The following HCRTR2 variants were observed in gnomAD, a reference collection of about 807,000 sequenced individuals.
The protein encoded by HCRTR2 is hypocretin receptor 2, also known as orexin receptor type 2.
A neutral mutation model predicts 49.0 loss-of-function variants in HCRTR2; 22 were observed. That is an observed-to-expected ratio of 0.45 (90% CI 0.32 to 0.64). The LOEUF (loss-of-function observed/expected upper bound fraction) is 0.64. HCRTR2 is among the 30% of genes least tolerant of loss of function. The pLI is 0.04. For missense variants in HCRTR2, 491 were observed against 559.4 expected (o/e 0.88, Z 1.23); for synonymous variants, 236 against 205.3 (o/e 1.15, Z -1.28).
intron 1 of HCRTR2, among the ~76,000 whole-genome samples, chr6:55,204,125 G>C (rs1378082160): frequency 6.6e-6 from 1 of 152,000 alleles, no homozygotes; most frequent in Non-Finnish European, 1.5e-5. Flanking sequence ...TCTCATAAGG[G>C]CTGTGAGGGC....
chr6:55,208,110 T>A (rs1765633490), intron 1 of HCRTR2, among the ~76,000 whole-genome samples: 1 of 152,084 alleles, frequency 6.6e-6, no homozygotes, highest in African/African-American at 2.4e-5. Context: ...TTATTCAGTC[T>A]TTTAAACAAG....
intron 1 of HCRTR2, among the ~76,000 whole-genome samples, chr6:55,121,021 G>A (rs1466914022): frequency 6.6e-6 from 1 of 152,044 alleles, no homozygotes; most frequent in Non-Finnish European, 1.5e-5. Flanking sequence ...GAAAGTCATT[G>A]GTAGCTTGAT....
chr6:55,203,758 T>C (rs1259080530), intron 1 of HCRTR2, among the ~76,000 whole-genome samples: 6 of 152,026 alleles, frequency 3.9e-5, no homozygotes, highest in African/African-American at 1.4e-4. Context: ...CTGATGTAGA[T>C]GCATACCTTA....
At chr6:55,252,610 T>C (rs1167419955) in intron 2 of HCRTR2, among the ~76,000 whole-genome samples, 2 of 152,056 alleles carry the variant, frequency 1.3e-5, no homozygotes, top group African/African-American at 2.4e-5. Flanking sequence ...AATAAGGTGA[T>C]ACTGGTTTGA....
intron 1 of HCRTR2, among the ~76,000 whole-genome samples, chr6:55,114,590 C>T (rs1416129863): frequency 1.3e-5 from 2 of 151,798 alleles, no homozygotes; most frequent in African/African-American, 4.8e-5. Flanking sequence ...ATCCACCTAC[C>T]TTGCACAAAA....
chr6:55,284,631 C>T (rs1767252573), downstream of HCRTR2, among the ~76,000 whole-genome samples: 1 of 151,920 alleles, frequency 6.6e-6, no homozygotes, highest in African/African-American at 2.4e-5. Flanking sequence ...AAAGAAGAAG[C>T]TGAGTATCAA....
At chr6:55,162,976 C>A (rs1764826527) in intron 1 of HCRTR2, among the ~76,000 whole-genome samples, 1 of 152,086 alleles carries the variant, frequency 6.6e-6, no homozygotes, top group Non-Finnish European at 1.5e-5. Context: ...TGGCCAGGCT[C>A]AGTGGCTCAC....
At chr6:55,160,224 A>T (rs1220366506) in intron 1 of HCRTR2, among the ~76,000 whole-genome samples, 1 of 152,240 alleles carries the variant, frequency 6.6e-6, no homozygotes, top group East Asian at 1.9e-4. Flanking sequence ...ACAATTTCAT[A>T]TCCAGCCAAA....
chr6:55,209,146 A>T (rs1765654700), intron 1 of HCRTR2, among the ~76,000 whole-genome samples: 2 of 152,194 alleles, frequency 1.3e-5, no homozygotes. Flanking sequence ...TAAAACAATT[A>T]CGTTCTACTG....
chr6:55,234,973 GATAATATAATC>G (rs1766187395), intron 1 of HCRTR2, among the ~76,000 whole-genome samples: 1 of 152,046 alleles, frequency 6.6e-6, no homozygotes, highest in Admixed American at 6.5e-5. Context: ...GTATTTCAAT[GATAATATAATC>G]ACACACTGGA....
chr6:55,222,561 T>A lies in HCRTR2; in HGVS notation c.224-26078T>A, dbSNP rs145457818. On this transcript the variant is annotated intron_variant, in intron 1 of 6. Coordinates refer to ENST00000370862, the MANE Select transcript of HCRTR2 (RefSeq NM_001384272.1). ...AAATATATAATGACAGATGATTCAA[T>A]AAAATGTGGCATGTACATATCATGG... 6.5e-3 allele frequency among the ~76,000 whole-genome samples: 997 copies of A among 152,248 alleles called. 10 individuals carry two copies. Among genetic ancestry groups the A allele is most frequent in the African/African-American group, 0.022 (897 of 41,536 alleles).
intron 1 of HCRTR2, among the ~76,000 whole-genome samples, chr6:55,125,106 A>G (rs1249379907): frequency 6.6e-6 from 1 of 152,016 alleles, no homozygotes; most frequent in African/African-American, 2.4e-5. Context: ...CATTTAGCCA[A>G]TTTACATTTA....
At chr6:55,173,458 A>C (rs1443587938), upstream of HCRTR2, among the ~76,000 whole-genome samples, 1 of 152,214 alleles carries the variant, frequency 6.6e-6, no homozygotes. Context: ...ATGTTTATTA[A>C]GAATAAAAGG....
intron 1 of HCRTR2, among the ~76,000 whole-genome samples, chr6:55,132,860 T>C (rs1219290940): frequency 6.6e-6 from 1 of 151,654 alleles, no homozygotes; most frequent in Non-Finnish European, 1.5e-5. Flanking sequence ...AATCATTCTT[T>C]GGGGAAAATA....
In HCRTR2 at chr6:55,216,951, C is replaced by A. The variant is rs1425328287; in HGVS notation, c.224-31688C>A. On this transcript the variant is annotated intron_variant, in intron 1 of 6. Coordinates refer to ENST00000370862, the MANE Select transcript of HCRTR2 (RefSeq NM_001384272.1). ...TGAAGGCCATAGTGGCCCTACAACT[C>A]TTGCATTCTGTATCCCTGCAGAATT... is the stretch of plus-strand genomic sequence containing the variant. Among the ~76,000 whole-genome samples the A allele has an allele frequency of 3.3e-5, 5 of 152,280 alleles. No homozygotes were observed. The South Asian group carries it at 1.0e-3, about 32-fold the overall frequency.
intron 1 of HCRTR2, among the ~76,000 whole-genome samples, chr6:55,219,337 T>C (rs1194102914): frequency 1.3e-5 from 2 of 152,184 alleles, no homozygotes; most frequent in African/African-American, 2.4e-5. Flanking sequence ...ACAGAAATCA[T>C]ATCAAATATC....
At chr6:55,149,918 C>T (rs1764641223) in intron 1 of HCRTR2, among the ~76,000 whole-genome samples, 1 of 151,924 alleles carries the variant, frequency 6.6e-6, no homozygotes, top group Non-Finnish European at 1.5e-5. Flanking sequence ...TTTCACTAAA[C>T]TTTAAACTTT....
At chr6:55,219,142 G>T (rs1198782169) in intron 1 of HCRTR2, among the ~76,000 whole-genome samples, 2 of 152,114 alleles carry the variant, frequency 1.3e-5, no homozygotes, top group Non-Finnish European at 2.9e-5. Context: ...AAAATTGATA[G>T]AACATCCAGA....
At chr6:55,139,888 G>A (rs1033649016) in intron 1 of HCRTR2, among the ~76,000 whole-genome samples, 1 of 152,166 alleles carries the variant, frequency 6.6e-6, no homozygotes, top group African/African-American at 2.4e-5. Flanking sequence ...TAGAAAGTGA[G>A]TTCTTCCTTG....
Sources: gnomAD v4.1 joint callset for allele counts (sites outside exome capture counted in the v4.1 genomes callset) on GRCh38, gnomAD v4.1.1 for gene constraint, MANE v1.5 for transcripts, NCBI Gene and HGNC (gene_info 2026-07-23, HGNC 2026-07-21) for gene names.